Variants in AGMO observed in about 807,000 individuals in gnomAD.
AGMO encodes glyceryl-ether monooxygenase.
A neutral mutation model predicts 60.2 loss-of-function variants in AGMO; 75 were observed. The ratio of observed to expected loss-of-function variants is 1.25; its 90% confidence interval spans 1.03 to 1.51. The LOEUF is 1.51. Ranked by LOEUF, AGMO falls within the 40% of genes most tolerant of loss-of-function variation. The probability of loss-of-function intolerance (pLI) is 0.00; values close to 1 mark genes in which losing one functional copy is unlikely to be tolerated. For synonymous variants in AGMO, 261 were observed against 177.1 expected (o/e 1.47, Z -3.76); for missense variants, 763 against 525.5 (o/e 1.45, Z -4.42).
intron 3 of AGMO, among the ~76,000 whole-genome samples, chr7:15,450,159 G>A (rs545467132): frequency 1.6e-3 from 244 of 152,144 alleles, no homozygotes; most frequent in African/African-American, 5.6e-3. Context: ...GGTGGCTCAC[G>A]CCTGTAATCC....
chr7:15,165,162 C>CG, the AGMO span, among the ~76,000 whole-genome samples: 2 of 151,908 alleles, frequency 1.3e-5, no homozygotes, highest in African/African-American at 4.8e-5. Context: ...TTCTCACTTA[C>CG]GGGGGGAGCT....
the AGMO span, among the ~76,000 whole-genome samples, chr7:15,184,401 A>G: frequency 1.2e-4 from 5 of 43,216 alleles, no homozygotes; most frequent in African/African-American, 2.5e-4. Flanking sequence ...GAGAGGGAGG[A>G]AGAAAGGGAA....
At chr7:15,270,841 A>G (rs1417203601) in intron 12 of AGMO, among the ~76,000 whole-genome samples, 1 of 151,588 alleles carries the variant, frequency 6.6e-6, no homozygotes, top group Non-Finnish European at 1.5e-5. Context: ...GTTTTTGTAA[A>G]TGGTGAGAAA....
intron 12 of AGMO, among the ~76,000 whole-genome samples, chr7:15,241,091 C>G (rs182730666): frequency 2.0e-4 from 31 of 152,022 alleles, no homozygotes; most frequent in Non-Finnish European, 3.5e-4. Flanking sequence ...CAGTCAGTTC[C>G]TATCAGGAAA....
intron 12 of AGMO, among the ~76,000 whole-genome samples, chr7:15,241,459 CAAAAAAAAAAAAAA>C (rs61727790): frequency 5.1e-4 from 26 of 51,356 alleles, no homozygotes; most frequent in Admixed American, 2.3e-3. Context: ...GACTCCGTCT[CAAAAAAAAAAAAAA>C]AAAAAAAAAA....
At position 15,266,281 on chromosome 7, in the gene AGMO, T is replaced by C. The variant is rs538864073; in HGVS notation, c.1264-64922A>G. On this transcript the variant is annotated intron_variant, in intron 12 of 12. Coordinates refer to ENST00000342526, the MANE Select transcript of AGMO (RefSeq NM_001004320.2). ...TTTTAGTTTTGCAAGATGAAAAGAG[T>C]TCTGGAGATGGACGGTGAAGATGGA... Among the ~76,000 whole-genome samples, 30 of 152,136 alleles carry C rather than the reference T, an allele frequency of 2.0e-4. 1 individual carries two copies. The South Asian group carries it at 5.4e-3, about 27-fold the overall frequency.
Position 15,354,387 on chromosome 7 carries a change from T to TATATAC in AGMO, c.1263+11126_1263+11127insGTATAT, listed in dbSNP as rs1563105157. 7.9e-5 allele frequency among the ~76,000 whole-genome samples: 3 copies of TATATAC among 38,168 alleles called. 1 individual carries two copies. Among genetic ancestry groups the TATATAC allele is most frequent in the Admixed American group, 2.3e-4 (1 of 4,434 alleles). 25.0% of individuals were successfully genotyped at this position (38,168 alleles called of 152,430 possible). On this transcript the variant is annotated intron_variant, in intron 12 of 12. Coordinates refer to ENST00000342526, the MANE Select transcript of AGMO (RefSeq NM_001004320.2). ...GTATATAGACGTGTGTATACACGTG[T>TATATAC]GTGTATACACGTGTGTGTACACACG...
At chr7:15,394,551 G>A (rs1221597112) in intron 5 of AGMO, among the ~76,000 whole-genome samples, 4 of 152,108 alleles carry the variant, frequency 2.6e-5, no homozygotes, top group African/African-American at 2.4e-5. Flanking sequence ...TTGTTCTGAG[G>A]ATTATGAATG....
At chr7:15,462,625 T>C (rs1782172435) in intron 3 of AGMO, among the ~76,000 whole-genome samples, 1 of 152,188 alleles carries the variant, frequency 6.6e-6, no homozygotes, top group Admixed American at 6.5e-5. Context: ...CCTAAATCTA[T>C]CTACATTTCT....
intron 12 of AGMO, among the ~76,000 whole-genome samples, chr7:15,279,487 T>A (rs554837245): frequency 3.9e-5 from 6 of 152,312 alleles, no homozygotes; most frequent in South Asian, 2.1e-4. Flanking sequence ...TTATTTTTTT[T>A]AATAAGCTTT....
intron 2 of AGMO, among the ~76,000 whole-genome samples, chr7:15,557,505 G>A (rs994263007): frequency 4.6e-5 from 7 of 151,726 alleles, no homozygotes; most frequent in African/African-American, 1.7e-4. Flanking sequence ...AAGAATTGAT[G>A]TCAAATTCTT....
chr7:15,139,330 G>A, the AGMO span, among the ~76,000 whole-genome samples: 1 of 152,018 alleles, frequency 6.6e-6, no homozygotes, highest in East Asian at 1.9e-4. Context: ...CCTGAAAATG[G>A]GGCTTTTAAT....
In AGMO at chr7:15,419,514, CTGAG is replaced by C. The variant is rs529439936; in HGVS notation, c.514-865_514-862del. Among the ~76,000 whole-genome samples, 751 of 152,004 alleles carry C rather than the reference CTGAG, an allele frequency of 4.9e-3. 1 individual carries two copies. The highest frequency in any genetic ancestry group is 0.01 in the Middle Eastern group (3 of 294). On this transcript the variant is annotated intron_variant, in intron 4 of 12. Transcript: ENST00000342526. Reference sequence around the variant, plus strand: ...ACTGGATGTTTTAAAAATATTTCTTCTGAGTATTATAATTTTATTTTAAAGTTAT... The same window carrying C: ...ACTGGATGTTTTAAAAATATTTCTTCTATTATAATTTTATTTTAAAGTTAT...
intron 12 of AGMO, among the ~76,000 whole-genome samples, chr7:15,285,184 C>G (rs758618705): frequency 1.3e-4 from 20 of 151,742 alleles, no homozygotes; most frequent in Non-Finnish European, 2.2e-4. Context: ...AAGATGTCCA[C>G]TTTCACTACT....
intron 4 of AGMO, among the ~76,000 whole-genome samples, chr7:15,430,247 T>C (rs955082971): frequency 2.0e-5 from 3 of 151,990 alleles, no homozygotes; most frequent in Admixed American, 2.0e-4. Context: ...AGTTAATAAA[T>C]AGCTTATTGA....
chr7:15,510,383 G>C lies in AGMO; in HGVS notation c.409+34389C>G, dbSNP rs75919082. On this transcript the variant is annotated intron_variant, in intron 3 of 12. Transcript: ENST00000342526. ...AGTACAGACAGGATGGTGCCATGTT[G>C]CCCAGGCTAATTTTGAACTCCTGGG... Among the ~76,000 whole-genome samples, 495 of 151,766 alleles carry C rather than the reference G, an allele frequency of 3.3e-3. 4 individuals are homozygous for C. Among genetic ancestry groups the C allele is most frequent in the African/African-American group, 0.011 (465 of 41,388 alleles).
At chr7:15,342,704 G>A (rs1387923085) in intron 12 of AGMO, among the ~76,000 whole-genome samples, 1 of 135,674 alleles carries the variant, frequency 7.4e-6, no homozygotes, top group Non-Finnish European at 1.5e-5. Context: ...TTTAGAAAAG[G>A]AACTGTCATC....
chr7:15,487,406 T>C (rs1782951937), intron 3 of AGMO, among the ~76,000 whole-genome samples: 1 of 152,066 alleles, frequency 6.6e-6, no homozygotes, highest in Admixed American at 6.6e-5. Context: ...AGAGGGTAAG[T>C]GCATATATTA....
At chr7:15,548,216 A>G (rs1388233398) in intron 2 of AGMO, among the ~76,000 whole-genome samples, 1 of 152,224 alleles carries the variant, frequency 6.6e-6, no homozygotes, top group African/African-American at 2.4e-5. Context: ...AAGATGGGGA[A>G]AAAACAGAAC....
Sources: gnomAD v4.1 joint callset for allele counts (sites outside exome capture counted in the v4.1 genomes callset) on GRCh38, gnomAD v4.1.1 for gene constraint, MANE v1.5 for transcripts, NCBI Gene and HGNC (gene_info 2026-07-23, HGNC 2026-07-21) for gene names.